Variants in HTR4 observed in about 807,000 individuals in gnomAD.
HTR4 encodes 5-hydroxytryptamine (serotonin) receptor 4, G protein-coupled.
Under a neutral mutation model 36.8 loss-of-function variants are expected in HTR4, and 16 were observed. The observed-to-expected ratio is 0.43, with a 90% CI of 0.29 to 0.66. The LOEUF is 0.66. Ranked by LOEUF, HTR4 falls within the 30% of genes least tolerant of loss-of-function variation. HTR4 has a pLI of 0.13. For synonymous variants in HTR4, 189 were observed against 185.1 expected, an observed-to-expected ratio of 1.02 and a Z score of -0.17; for missense variants, 438 against 490.9, an observed-to-expected ratio of 0.89 and a Z score of 1.02.
At chr5:148,633,433 GGTTA>G (rs1753400084) in intron 2 of HTR4, among the ~76,000 whole-genome samples, 1 of 151,716 alleles carries the variant, frequency 6.6e-6, no homozygotes, top group African/African-American at 2.4e-5. Context: ...ACAATGTGCA[GGTTA>G]GTTACATATG....
intron 5 of HTR4, among the ~76,000 whole-genome samples, chr5:148,471,172 T>C (rs1755558007): frequency 6.6e-6 from 1 of 152,198 alleles, no homozygotes; most frequent in Non-Finnish European, 1.5e-5. Context: ...AGGATATTAT[T>C]ACTGAGTTAG....
chr5:148,523,195 A>T lies in HTR4; in HGVS notation c.505T>A (p.Leu169Met). Residue 169 changes from leucine (L) to methionine (M), a missense_variant and splice_region_variant, in exon 5 of 7, where the codon TTG becomes ATG. Coordinates refer to ENST00000377888, the MANE Select transcript of HTR4 (RefSeq NM_000870.7). ...QGWNNIGIID[L>M]IEKRKFNQNS... ...GTGAGGTCTGTGTGGATACTCACCA[A>T]ATCAATTATGCCAATGTTATTCCAG... The T allele has an allele frequency of 6.2e-7, 1 of 1,613,260 alleles. No homozygotes were observed. Among genetic ancestry groups the T allele is most frequent in the East Asian group, 2.2e-5 (1 of 44,810 alleles).
At chr5:148,620,344 T>C (rs1468765901) in intron 2 of HTR4, among the ~76,000 whole-genome samples, 1 of 152,206 alleles carries the variant, frequency 6.6e-6, no homozygotes, top group Non-Finnish European at 1.5e-5. Context: ...GAATGATAGA[T>C]TGGCAGTGTT....
intron 5 of HTR4, among the ~76,000 whole-genome samples, chr5:148,454,467 A>T (rs542625438): frequency 6.6e-6 from 1 of 152,226 alleles, no homozygotes; most frequent in Non-Finnish European, 1.5e-5. Context: ...AATGAAGAGT[A>T]TGTAATGATA....
intron 5 of HTR4, among the ~76,000 whole-genome samples, chr5:148,452,378 T>C (rs1055238018): frequency 6.6e-6 from 1 of 152,174 alleles, no homozygotes; most frequent in Non-Finnish European, 1.5e-5. Flanking sequence ...ACAAAGCCCA[T>C]GGACTAGGTA....
At chr5:148,617,499 T>C (rs1376241879) in intron 2 of HTR4, among the ~76,000 whole-genome samples, 2 of 151,764 alleles carry the variant, frequency 1.3e-5, no homozygotes, top group African/African-American at 2.4e-5. Flanking sequence ...GATGGAGTCT[T>C]GCCCTGTCAC....
At chr5:148,496,684 T>C (rs950557548) in intron 6 of HTR4, among the ~76,000 whole-genome samples, 3 of 152,222 alleles carry the variant, frequency 2.0e-5, no homozygotes, top group African/African-American at 7.2e-5. Flanking sequence ...TTGAGCAGAC[T>C]GCTCAGATGG....
chr5:148,483,077 T>C lies in HTR4; in HGVS notation c.*126A>G. 1 of 1,506,230 alleles carries C rather than the reference T, an allele frequency of 6.6e-7. No individual in the cohort carries two copies. The highest frequency in any genetic ancestry group is 2.4e-4 in the Middle Eastern group (1 of 4,142). The allele number at this position is 1,506,230 out of a possible 1,614,324, so 93.3% of individuals were successfully genotyped here. On this transcript the variant is annotated 3_prime_UTR_variant, in exon 7 of 7. Transcript: ENST00000377888. ...AGGAAAAGCCCAGCGAGCACCGGGTTCCTGCACTGGCGGACGGAAAGCCTC... is the reference window on the plus strand; with the variant it reads ...AGGAAAAGCCCAGCGAGCACCGGGTCCCTGCACTGGCGGACGGAAAGCCTC...
chr5:148,539,945 C>A (rs957476142), intron 4 of HTR4, among the ~76,000 whole-genome samples: 6 of 152,100 alleles, frequency 3.9e-5, no homozygotes, highest in African/African-American at 1.4e-4. Context: ...GCACCCTTCA[C>A]AATGGTGAAG....
chr5:148,538,122 A>G (rs1247274301), intron 4 of HTR4, among the ~76,000 whole-genome samples: 3 of 152,180 alleles, frequency 2.0e-5, no homozygotes, highest in Admixed American at 6.5e-5. Context: ...AGAACTAAAG[A>G]CAAAAACCAC....
At chr5:148,538,477 C>G (rs570570191) in intron 4 of HTR4, among the ~76,000 whole-genome samples, 1 of 152,188 alleles carries the variant, frequency 6.6e-6, no homozygotes, top group African/African-American at 2.4e-5. Flanking sequence ...TAGAAAACCC[C>G]ATAGTATTGC....
At chr5:148,507,564 A>T (rs1209512278) in intron 6 of HTR4, among the ~76,000 whole-genome samples, 1 of 138,592 alleles carries the variant, frequency 7.2e-6, no homozygotes, top group Non-Finnish European at 1.5e-5. Flanking sequence ...TACTCATACC[A>T]TATAAGTTTC....
At chr5:148,648,885 T>C (rs567454086) in intron 1 of HTR4, among the ~76,000 whole-genome samples, 2 of 152,338 alleles carry the variant, frequency 1.3e-5, no homozygotes, top group East Asian at 3.9e-4. Context: ...TTTTCTAGAA[T>C]TGACTGTTTT....
intron 4 of HTR4, among the ~76,000 whole-genome samples, chr5:148,531,071 A>T (rs1174489754): frequency 1.3e-5 from 2 of 152,314 alleles, no homozygotes; most frequent in African/African-American, 4.8e-5. Flanking sequence ...ACAGGCTCAT[A>T]GGCAGAAGGG....
In HTR4 at chr5:148,466,856, T is replaced by C. The variant is rs555692944; in HGVS notation, c.1077-15584A>G. On this transcript the variant is annotated intron_variant, in intron 5 of 5. Coordinates refer to the HTR4 transcript ENST00000521530. ...TTTCTTCCTTCAACTTGATTTGTCT[T>C]GTATTTCATTAGCCTGATGATATGC... is the stretch of plus-strand genomic sequence containing the variant. 7.2e-5 allele frequency among the ~76,000 whole-genome samples: 11 copies of C among 152,348 alleles called. No individual in the cohort carries two copies. The East Asian group carries it at 2.1e-3, about 29-fold the overall frequency.
At chr5:148,549,543 A>G (rs1183317811) in intron 3 of HTR4, among the ~76,000 whole-genome samples, 2 of 152,168 alleles carry the variant, frequency 1.3e-5, no homozygotes, top group South Asian at 4.1e-4. Flanking sequence ...CTCACCCCAG[A>G]TCAGTTAGTT....
chr5:148,552,257 A>C (rs756374370), intron 2 of HTR4, among the ~76,000 whole-genome samples: 1 of 152,228 alleles, frequency 6.6e-6, no homozygotes, highest in East Asian at 1.9e-4. Flanking sequence ...TTATGACTGA[A>C]GTTCAGATGA....
At chr5:148,551,604 A>AT (rs1759695958) in intron 2 of HTR4, among the ~76,000 whole-genome samples, 1 of 152,214 alleles carries the variant, frequency 6.6e-6, no homozygotes, top group African/African-American at 2.4e-5. Context: ...GTATAATAAA[A>AT]TGTTCTTTTT....
At chr5:148,566,869 T>TA (rs1481656585) in intron 2 of HTR4, among the ~76,000 whole-genome samples, 1 of 152,056 alleles carries the variant, frequency 6.6e-6, no homozygotes, top group East Asian at 1.9e-4. Context: ...GATATTAATC[T>TA]AAAAAAATTT....
Sources: allele counts gnomAD v4.1 joint callset (sites outside exome capture counted in the v4.1 genomes callset), GRCh38; gene constraint gnomAD v4.1.1; transcripts MANE v1.5; gene names NCBI Gene and HGNC (gene_info 2026-07-23, HGNC 2026-07-21).